KIAA1549L: variants seen among roughly 807,000 people sequenced by gnomAD.
KIAA1549L encodes UPF0606 protein KIAA1549L.
A neutral mutation model predicts 160.7 loss-of-function variants in KIAA1549L; 88 were observed. The ratio of observed to expected loss-of-function variants is 0.55; its 90% CI spans 0.46 to 0.65. The LOEUF (loss-of-function observed/expected upper bound fraction) is 0.65. KIAA1549L is among the 30% of genes least tolerant of loss of function. The pLI is 0.00. For synonymous variants in KIAA1549L, 950 were observed against 976.7 expected, an observed-to-expected ratio of 0.97 and a Z score of 0.51; for missense variants, 2,258 against 2,437.5, an observed-to-expected ratio of 0.93 and a Z score of 1.55.
At chr11:33,583,898 G>T (rs1219835602) in intron 11 of KIAA1549L, among the ~76,000 whole-genome samples, 1 of 152,240 alleles carries the variant, frequency 6.6e-6, no homozygotes, top group African/African-American at 2.4e-5. Context: ...TGGTTGGTAA[G>T]TAGCAGAACT....
Position 33,543,149 on chromosome 11 carries a change from A to C in KIAA1549L, c.1586A>C (p.Glu529Ala). The C allele has an allele frequency of 1.2e-6, 2 of 1,613,888 alleles. No individual in the cohort carries two copies. The highest frequency in any genetic ancestry group is 1.7e-6 in the Non-Finnish European group (2 of 1,179,848). The stretch of plus-strand genomic sequence containing the variant: ...CCAGAAATGCCCACTCTTCCAGCAG[A>C]GGGCAGTGATGGGTCCCCTCCTGCA... ...PVPEMPTLPA[E>A]GSDGSPPATR... is the part of the protein sequence containing the mutation. Residue 529 changes from glutamate (E) to alanine (A), a missense_variant, in exon 2 of 21, where the codon GAG (glutamate) becomes GCG (alanine). By Grantham distance (107) the Glu-to-Ala change is moderately radical. Around this residue, in one of 6 missense-constraint regions of KIAA1549L, gnomAD observed 540 missense variants for 465.7 expected, o/e 1.16. Coordinates refer to ENST00000658780, the MANE Select transcript of KIAA1549L (RefSeq NM_012194.3).
chr11:33,584,103 C>T (rs1855734707), intron 11 of KIAA1549L, among the ~76,000 whole-genome samples: 1 of 152,212 alleles, frequency 6.6e-6, no homozygotes, highest in Non-Finnish European at 1.5e-5. Flanking sequence ...CATGTGAAGA[C>T]ACAAGACATT....
chr11:33,565,422 C>G (rs982185837), intron 8 of KIAA1549L, among the ~76,000 whole-genome samples: 2 of 152,188 alleles, frequency 1.3e-5, no homozygotes, highest in Admixed American at 6.5e-5. Flanking sequence ...ATTGAATTAT[C>G]CTTTCTTAAC....
chr11:33,436,858 TAAGGA>T (rs1851391748), intron 1 of KIAA1549L, among the ~76,000 whole-genome samples: 1 of 152,196 alleles, frequency 6.6e-6, no homozygotes, highest in African/African-American at 2.4e-5. Context: ...AGTACTGGGC[TAAGGA>T]CATTCAACTT....
chr11:33,610,043 G>C (rs1385609043), intron 15 of KIAA1549L, 77 bp downstream of exon 15: 6 of 1,091,468 alleles, frequency 5.5e-6, no homozygotes, highest in Non-Finnish European at 8.3e-6. Flanking sequence ...AGTATATCCT[G>C]GTTCCTTATC....
In KIAA1549L at chr11:33,543,695, CAAT is replaced by C; in HGVS notation, c.2137_2139del (p.Ile713del). ...GAAACTGGATCTCTTTCCACAGAAT[CAAT>C]AATATCTGGCTTGCAGCAGCAAACA... On this transcript the variant is annotated inframe_deletion, in exon 2 of 21. Coordinates refer to ENST00000658780, the MANE Select transcript of KIAA1549L (RefSeq NM_012194.3). The C allele has an allele frequency of 4.3e-6, 7 of 1,613,998 alleles. No homozygotes were observed. The highest frequency in any genetic ancestry group is 5.1e-6 in the Non-Finnish European group (6 of 1,179,888).
At chr11:33,503,260 T>C (rs1291150763) in intron 1 of KIAA1549L, among the ~76,000 whole-genome samples, 1 of 152,260 alleles carries the variant, frequency 6.6e-6, no homozygotes, top group Admixed American at 6.5e-5. Context: ...CATGTTGGCA[T>C]GTGTATTTGT....
Position 33,543,642 on chromosome 11 carries a change from A to T in KIAA1549L, c.2079A>T (p.Thr693=). ...GAGACATGAAAAAGCCAGCAACCAC[A>T]GATGTTTTCTGGAGTTCTCTTTCAG... ...TIGDMKKPAT[T]DVFWSSLSAE... The change falls in exon 2 of 21, where the codon ACA becomes ACT. Residue 693 remains threonine, a synonymous_variant. Coordinates refer to ENST00000658780, the MANE Select transcript of KIAA1549L (RefSeq NM_012194.3). 6.2e-7 allele frequency: 1 copy of T among 1,613,964 alleles called. No individual in the cohort carries two copies. The highest frequency in any genetic ancestry group is 8.5e-7 in the Non-Finnish European group (1 of 1,179,840).
chr11:33,508,174 TA>T (rs1395677402), intron 1 of KIAA1549L, among the ~76,000 whole-genome samples: 8 of 152,354 alleles, frequency 5.3e-5, no homozygotes, highest in African/African-American at 1.9e-4. Context: ...AATTCCCACA[TA>T]AAACCTCTGC....
At chr11:33,487,452 A>G (rs1457499100) in intron 1 of KIAA1549L, among the ~76,000 whole-genome samples, 1 of 148,996 alleles carries the variant, frequency 6.7e-6, no homozygotes, top group Non-Finnish European at 1.5e-5. Flanking sequence ...TTAGCAGCCA[A>G]CATCCAGACG....
At chr11:33,485,225 G>A (rs1852496015) in intron 1 of KIAA1549L, among the ~76,000 whole-genome samples, 1 of 152,178 alleles carries the variant, frequency 6.6e-6, no homozygotes, top group Admixed American at 6.5e-5. Context: ...TTGTCAACTT[G>A]CCCCTTTCGA....
At chr11:33,443,756 C>A (rs1851556549) in intron 1 of KIAA1549L, among the ~76,000 whole-genome samples, 1 of 151,568 alleles carries the variant, frequency 6.6e-6, no homozygotes, top group African/African-American at 2.4e-5. Flanking sequence ...TATTGAAATA[C>A]AGCTTTATTC....
At chr11:33,588,353 C>T (rs1339994898) in intron 11 of KIAA1549L, among the ~76,000 whole-genome samples, 2 of 152,120 alleles carry the variant, frequency 1.3e-5, no homozygotes, top group Non-Finnish European at 2.9e-5. Context: ...ACTGGGCAGG[C>T]AGGTTCAGCT....
At chr11:33,606,848 G>T in intron 14 of KIAA1549L, 26 bp downstream of exon 14, 1 of 1,566,848 alleles carries the variant, frequency 6.4e-7, no homozygotes, top group Non-Finnish European at 8.7e-7. Context: ...CCCAGGGCAG[G>T]AGATGGTCCG....
In KIAA1549L at chr11:33,506,477, G is replaced by A. The variant is rs1040738833; in HGVS notation, c.239-35325G>A. 5.3e-5 allele frequency among the ~76,000 whole-genome samples: 8 copies of A among 152,280 alleles called. No homozygotes were observed. In the East Asian group the frequency reaches 1.5e-3, roughly 29 times the overall value. ...GCGGTGGCTCACACCTGTAATATCA[G>A]CACTTTGGGAGGTTGAGGCAGGAGG... is the stretch of plus-strand genomic sequence containing the variant. On this transcript the variant is annotated intron_variant, in intron 1 of 20. Transcript: ENST00000658780.
rs188776354 is a variant in KIAA1549L, at chr11:33,542,390, C to A, written c.827C>A (p.Thr276Lys). 1,571 of 1,346,128 alleles carry A rather than the reference C, an allele frequency of 1.2e-3. 38 individuals are homozygous for A. In the South Asian group the frequency reaches 0.02, roughly 17 times the overall value. 83.4% of individuals were successfully genotyped at this position (1,346,128 alleles called of 1,614,324 possible). A position where few individuals can be genotyped will look rare whatever the true frequency, so the allele number is the denominator to read the frequency against. ...CCCAAAGTGCTGTTAGTTCCCCAAA[C>A]AGCTCCAGCCGACCCCTCTTTAGGT... ...QSPKVLLVPQ[T>K]APADPSLGQN... The change falls in exon 2 of 21, where the codon ACA becomes AAA. Residue 276 changes from threonine (T) to lysine (K), a missense_variant. By Grantham distance (78) the Thr-to-Lys change is moderately conservative. Transcript: ENST00000658780.
At chr11:33,667,261 A>ATTCCTAAGGTTTTTCAGCAAAATATATC (rs766117587) in intron 20 of KIAA1549L, among the ~76,000 whole-genome samples, 1 of 152,220 alleles carries the variant, frequency 6.6e-6, no homozygotes. Flanking sequence ...TCAGATATAT[A>ATTCCTAAGGTTTTTCAGCAAAATATATC]TTCCTAAGGT....
At chr11:33,425,803 G>A (rs925755161) in intron 1 of KIAA1549L, among the ~76,000 whole-genome samples, 1 of 152,196 alleles carries the variant, frequency 6.6e-6, no homozygotes, top group African/African-American at 2.4e-5. Flanking sequence ...AATGAGATGT[G>A]TCAACATGTT....
rs1002158793 is a variant in KIAA1549L, at chr11:33,629,823, GCTGGTGAGGAAC to G, written c.5409+11162_5409+11173del. ...ATTCTCCGTCCAGCTTTGTTCCGTT[GCTGGTGAGGAAC>G]TGCGTTCCTTTGGAGGAGGAGAGGC... On this transcript the variant is annotated intron_variant, in intron 16 of 20. Transcript: ENST00000658780. 2.3e-4 allele frequency among the ~76,000 whole-genome samples: 35 copies of G among 150,232 alleles called. 1 individual carries two copies. The highest frequency in any genetic ancestry group is 8.0e-4 in the African/African-American group (32 of 39,782).
Sources: allele counts gnomAD v4.1 joint callset (sites outside exome capture counted in the v4.1 genomes callset), GRCh38; gene constraint gnomAD v4.1.1; regional missense constraint gnomAD v4.1.1; transcripts MANE v1.5; gene names NCBI Gene and HGNC (gene_info 2026-07-23, HGNC 2026-07-21).